BMPR2: variants seen among roughly 807,000 people sequenced by gnomAD.
BMPR2 encodes the protein bone morphogenetic protein receptor type 2.
In BMPR2, 29 loss-of-function variants were observed where a neutral mutation model predicts 100.8. The observed-to-expected ratio is 0.29, with a 90% confidence interval of 0.21 to 0.39. The LOEUF (loss-of-function observed/expected upper bound fraction) is 0.39, where lower values mean the gene tolerates loss of function less well. Ranked by LOEUF, BMPR2 falls within the 10% of genes least tolerant of loss-of-function variation. BMPR2 has a pLI of 1.00. For missense variants in BMPR2, 1,011 were observed against 1,274.5 expected (o/e 0.79, Z 3.15); for synonymous variants, 382 against 442.3 (o/e 0.86, Z 1.71).
chr2:202,381,798 G>T (rs1690299992), intron 1 of BMPR2, among the ~76,000 whole-genome samples: 1 of 152,110 alleles, frequency 6.6e-6, no homozygotes, highest in African/African-American at 2.4e-5. Flanking sequence ...TGATGTGATA[G>T]TAGTGGTATT....
chr2:202,518,281 G>A (rs1687754097), intron 5 of BMPR2, among the ~76,000 whole-genome samples: 1 of 151,592 alleles, frequency 6.6e-6, no homozygotes, highest in South Asian at 2.1e-4. Flanking sequence ...AGGATTACAG[G>A]CGTGTGCCAT....
At chr2:202,488,854 A>G (rs551341207) in intron 3 of BMPR2, among the ~76,000 whole-genome samples, 3 of 152,158 alleles carry the variant, frequency 2.0e-5, no homozygotes, top group African/African-American at 4.8e-5. Context: ...TTGTCTTGCA[A>G]AACTGAAACT....
chr2:202,423,922 A>G (rs931043091), intron 1 of BMPR2, among the ~76,000 whole-genome samples: 4 of 152,024 alleles, frequency 2.6e-5, no homozygotes, highest in Non-Finnish European at 5.9e-5. Context: ...TTGTTTAATT[A>G]CATACCACGG....
Position 202,555,316 on chromosome 2 carries a change from T to A in BMPR2, c.1651T>A (p.Tyr551Asn). Reference protein sequence around the residue: ...GPYPDYSSSSYIEDSIHHTDS... With the variant: ...GPYPDYSSSSNIEDSIHHTDS... ...TTATCCAGATTATTCTTCCTCCTCA[T>A]ACATTGAAGACTCTATCCATCATAC... Residue 551 changes from tyrosine (Y) to asparagine (N), a missense_variant, in exon 12 of 13, where the codon TAC becomes AAC. Physicochemically the swap from Tyr to Asn is moderately radical, Grantham distance 143 (BLOSUM62 -2). Transcript: ENST00000374580. The A allele has an allele frequency of 6.2e-7, 1 of 1,614,198 alleles. No homozygotes were observed. Among genetic ancestry groups the A allele is most frequent in the East Asian group, 2.2e-5 (1 of 44,884 alleles).
rs1688769821 is a variant in BMPR2 at position 202,566,755 on chromosome 2, T to C, written c.*6809T>C. 6.6e-6 allele frequency: 1 copy of C among 152,214 alleles called. No homozygotes were observed. The highest frequency in any genetic ancestry group is 2.4e-5 in the African/African-American group (1 of 41,460). 9.4% of individuals were successfully genotyped at this position (152,214 alleles called of 1,614,324 possible). A position where few individuals can be genotyped will look rare whatever the true frequency, so the allele number is the denominator to read the frequency against. On this transcript the variant is annotated 3_prime_UTR_variant, in exon 13 of 13. Transcript: ENST00000374580. ...TGGATGGTTTTGAGAAAATAACCTG[T>C]ATTTATCACATTGTCAAACAGAATT...
At chr2:202,552,632 C>G in intron 10 of BMPR2, 84 bp from the exon 11 acceptor site, 1 of 1,437,562 alleles carries the variant, frequency 7.0e-7, no homozygotes, top group Non-Finnish European at 9.7e-7. Flanking sequence ...ATTGATTTTT[C>G]TTTTACCTCA....
intron 1 of BMPR2, among the ~76,000 whole-genome samples, chr2:202,393,112 G>C (rs1243058566): frequency 6.6e-6 from 1 of 152,034 alleles, no homozygotes; most frequent in African/African-American, 2.4e-5. Flanking sequence ...CTTTGAGTTA[G>C]AACCTAGTCT....
At chr2:202,530,601 A>G (rs1228916637) in intron 7 of BMPR2, among the ~76,000 whole-genome samples, 193 bp from the exon 8 acceptor site, 2 of 152,236 alleles carry the variant, frequency 1.3e-5, no homozygotes, top group Non-Finnish European at 2.9e-5. Context: ...TTAACTATAC[A>G]TGCAACAGGA....
At chr2:202,551,817 C>T (rs1471014893) in intron 10 of BMPR2, among the ~76,000 whole-genome samples, 1 of 151,852 alleles carries the variant, frequency 6.6e-6, no homozygotes, top group African/African-American at 2.4e-5. Flanking sequence ...CTGCCTCAGC[C>T]TCCCAAGTAG....
At chr2:202,444,557 G>A (rs1006182013) in intron 1 of BMPR2, among the ~76,000 whole-genome samples, 3 of 150,656 alleles carry the variant, frequency 2.0e-5, no homozygotes, top group African/African-American at 7.5e-5. Flanking sequence ...TTAGTTAGAT[G>A]TGTTCTACAT....
At chr2:202,522,360 A>G (rs911023513) in intron 7 of BMPR2, among the ~76,000 whole-genome samples, 10 of 151,980 alleles carry the variant, frequency 6.6e-5, no homozygotes, top group African/African-American at 2.2e-4. Flanking sequence ...ACAAAAAATT[A>G]GCCAGGCATG....
intron 5 of BMPR2, among the ~76,000 whole-genome samples, chr2:202,517,701 CCT>C (rs947548419): frequency 2.6e-5 from 4 of 151,890 alleles, no homozygotes; most frequent in African/African-American, 9.7e-5. Context: ...ACTGGGCTTT[CCT>C]CTCTCTGAAT....
intron 9 of BMPR2, among the ~76,000 whole-genome samples, chr2:202,534,215 GTGTGTGTA>G (rs1434750875): frequency 9.9e-6 from 1 of 101,248 alleles, no homozygotes; most frequent in African/African-American, 3.2e-5. Context: ...TGTATCGTGT[GTGTGTGTA>G]TATATATATA....
At position 202,530,851 on chromosome 2, in the gene BMPR2, A is replaced by G; in HGVS notation, c.1025A>G (p.Lys342Arg). The G allele has an allele frequency of 1.9e-6, 3 of 1,614,064 alleles. No homozygotes were observed. Among genetic ancestry groups the G allele is most frequent in the Non-Finnish European group, 2.5e-6 (3 of 1,179,904 alleles). The change falls in exon 8 of 13, where the codon AAA becomes AGA. Residue 342 changes from lysine (K) to arginine (R), a missense_variant. By Grantham distance (26) the Lys-to-Arg change is conservative. Coordinates refer to ENST00000374580, the MANE Select transcript of BMPR2 (RefSeq NM_001204.7). ...TTAAACAGCAGAAATGTCCTAGTGA[A>G]AAATGATGGAACCTGTGTTATTAGT... ...RDLNSRNVLV[K>R]NDGTCVISDF...
At chr2:202,427,249 A>G (rs938226126) in intron 1 of BMPR2, among the ~76,000 whole-genome samples, 14 of 151,414 alleles carry the variant, frequency 9.2e-5, no homozygotes, top group African/African-American at 3.4e-4. Context: ...CTTCCCAGCT[A>G]CTCAGGAAGC....
Position 202,532,780 on chromosome 2 carries a change from T to C in BMPR2, c.1276+48T>C. ...GATATTTTTTGAAGTGAAGCAGTTA[T>C]ATCTTCTTTCTCTACCTATAGTACC... is the stretch of plus-strand genomic sequence containing the variant. On this transcript the variant is annotated intron_variant, in intron 9 of 12. Transcript: ENST00000374580. The surrounding 1 kb of genome is among the most constrained non-coding windows in gnomAD (Gnocchi z 4.1). 11 of 1,586,486 alleles carry C rather than the reference T, an allele frequency of 6.9e-6. No homozygotes were observed. Among genetic ancestry groups the C allele is most frequent in the Non-Finnish European group, 9.4e-6 (11 of 1,164,810 alleles).
At chr2:202,538,667 A>G (rs953652031) in intron 9 of BMPR2, among the ~76,000 whole-genome samples, 1 of 151,520 alleles carries the variant, frequency 6.6e-6, no homozygotes, top group Non-Finnish European at 1.5e-5. Flanking sequence ...GGTTGTGGGC[A>G]CCTGTAATCC....
chr2:202,449,273 A>G (rs1691926024), intron 1 of BMPR2, among the ~76,000 whole-genome samples: 1 of 151,630 alleles, frequency 6.6e-6, no homozygotes, highest in Non-Finnish European at 1.5e-5. Flanking sequence ...GCGCTGTTAC[A>G]CTCCAGCCTG....
intron 7 of BMPR2, among the ~76,000 whole-genome samples, chr2:202,528,700 C>T (rs548891602): frequency 6.6e-6 from 1 of 152,158 alleles, no homozygotes; most frequent in African/African-American, 2.4e-5. Context: ...TTGAATATCT[C>T]ATGTGATTTA....
Sources: gnomAD v4.1 joint callset for allele counts (sites outside exome capture counted in the v4.1 genomes callset) on GRCh38, gnomAD v4.1.1 for gene constraint, Gnocchi (gnomAD v3.1) non-coding constraint, MANE v1.5 for transcripts, NCBI Gene and HGNC (gene_info 2026-07-23, HGNC 2026-07-21) for gene names.